UBR4: variants seen among roughly 807,000 people sequenced by gnomAD.
The protein encoded by UBR4 is E3 ubiquitin-protein ligase UBR4.
UBR4 carries 124 observed loss-of-function variants against 575.6 expected under a neutral mutation model. The ratio of observed to expected loss-of-function variants is 0.22; its 90% CI spans 0.19 to 0.25. The LOEUF (loss-of-function observed/expected upper bound fraction) is 0.25. UBR4 is among the 10% of genes least tolerant of loss of function. The pLI is 1.00. For synonymous variants in UBR4, 2,455 were observed against 2,473.7 expected, an observed-to-expected ratio of 0.99 and a Z score of 0.22; for missense variants, 4,818 against 6,478.8, an observed-to-expected ratio of 0.74 and a Z score of 8.80.
Position 19,117,612 on chromosome 1 carries a change from T to C in UBR4, c.10630-198A>G, listed in dbSNP as rs1570685820. Among the ~76,000 whole-genome samples the C allele has an allele frequency of 6.6e-6, 1 of 152,214 alleles. No homozygotes were observed. Among genetic ancestry groups the C allele is most frequent in the African/African-American group, 2.4e-5 (1 of 41,454 alleles). ...CCTGGGCTCAGGGGATCCTCCCATC[T>C]TAGCCTCCCAAAGTACTGGGATTAT... On this transcript the variant is annotated intron_variant, in intron 72 of 105. Coordinates refer to ENST00000375254, the MANE Select transcript of UBR4 (RefSeq NM_020765.3). The surrounding 1 kb of genome is among the most constrained non-coding windows in gnomAD (Gnocchi z 4.0).
chr1:19,119,850 G>A (rs2080980793), intron 69 of UBR4, 149 bp from the exon 70 acceptor site: 2 of 1,123,618 alleles, frequency 1.8e-6, no homozygotes. Context: ...AATCCTACCA[G>A]ATGCAGCATA....
chr1:19,077,150 T>A (rs566110992), intron 104 of UBR4, among the ~76,000 whole-genome samples: 1 of 152,326 alleles, frequency 6.6e-6, no homozygotes, highest in East Asian at 1.9e-4. Flanking sequence ...AGTGGCTGCA[T>A]TCCCTCCCCG....
rs751830458 is a variant in UBR4 at position 19,144,838 on chromosome 1, A to G, written c.8015T>C (p.Leu2672Pro). The G allele has an allele frequency of 6.2e-7, 1 of 1,614,202 alleles. No homozygotes were observed. The highest frequency in any genetic ancestry group is 8.5e-7 in the Non-Finnish European group (1 of 1,180,022). The change falls in exon 54 of 106, where the codon CTG becomes CCG. Residue 2672 changes from leucine to proline, a missense_variant. Around this residue, in one of 29 missense-constraint regions of UBR4, gnomAD observed 340 missense variants for 375.4 expected, o/e 0.91. Transcript: ENST00000375254. ...DIIHGYCTCELDCINTASKIY... is the reference protein window; with the variant it reads ...DIIHGYCTCEPDCINTASKIY... ...CTTGGATGCTGTGTTAATACAATCC[A>G]GCTCACAGGTACAGTAGCCATGGAT...
Position 19,146,857 on chromosome 1 carries a change from A to G in UBR4, c.7773T>C (p.Phe2591=), listed in dbSNP as rs191637627. 1.2e-4 allele frequency: 197 copies of G among 1,613,982 alleles called. No homozygotes were observed. The highest frequency in any genetic ancestry group is 1.6e-4 in the Non-Finnish European group (183 of 1,179,924). ...AIMRPNNLVH[F]TESKLPQMET... ...CCATCTGGGGCAGCTTTGACTCCGT[A>G]AAGTGGACAAGGTTGTTGGGGCGCA... Residue 2591 remains phenylalanine (F), a synonymous_variant, in exon 52 of 106, where the codon TTT becomes TTC. Coordinates refer to ENST00000375254, the MANE Select transcript of UBR4 (RefSeq NM_020765.3).
chr1:19,156,539 T>G lies in UBR4; in HGVS notation c.5920-116A>C, dbSNP rs563765089. The G allele has an allele frequency of 5.2e-6, 7 of 1,354,442 alleles. No individual in the cohort carries two copies. The East Asian group carries it at 1.8e-4, about 34-fold the overall frequency. 83.9% of individuals were successfully genotyped at this position (1,354,442 alleles called of 1,614,324 possible). A position where few individuals can be genotyped will look rare whatever the true frequency, so the allele number is the denominator to read the frequency against. On this transcript the variant is annotated intron_variant, in intron 41 of 105. Coordinates refer to ENST00000375254, the MANE Select transcript of UBR4 (RefSeq NM_020765.3). ...TAATATCCCCTGCCTTCAGACAGTA[T>G]TTAGACTGTCTAGTAACATTCAGGT...
Position 19,162,551 on chromosome 1 carries a change from C to A in UBR4, c.4825G>T (p.Ala1609Ser), listed in dbSNP as rs779149141. 2 of 1,614,160 alleles carry A rather than the reference C, an allele frequency of 1.2e-6. No homozygotes were observed. Among genetic ancestry groups the A allele is most frequent in the Non-Finnish European group, 1.7e-6 (2 of 1,180,026 alleles). The change falls in exon 35 of 106, where the codon GCC becomes TCC. Residue 1609 changes from alanine (A) to serine (S), a missense_variant. Around this residue, in one of 29 missense-constraint regions of UBR4, gnomAD observed 1,172 missense variants for 1,259.7 expected, o/e 0.93. Transcript: ENST00000375254. ...IMSYLADVTN[A>S]LSQSNGQGPS... ...CCTTGACCATTACTCTGGCTCAGGG[C>A]ATTCGTGACATCAGCCAAGTAAGAC...
At chr1:19,124,338 G>C in intron 65 of UBR4, 1 of 591,846 alleles carries the variant, frequency 1.7e-6, no homozygotes, top group East Asian at 3.0e-5. Context: ...AGAATCAGAA[G>C]GTAAAGTATG....
chr1:19,096,752 C>T (rs1406923103), intron 91 of UBR4, 102 bp from the exon 92 acceptor site: 1 of 1,494,512 alleles, frequency 6.7e-7, no homozygotes, highest in Admixed American at 2.2e-5. Flanking sequence ...TGGCTGACAG[C>T]CCTTTTCCGT....
chr1:19,174,823 A>G, intron 21 of UBR4, 131 bp downstream of exon 21: 1 of 839,780 alleles, frequency 1.2e-6, no homozygotes, highest in East Asian at 2.7e-5. Flanking sequence ...CTATTAGAAT[A>G]AGCTCAAATC....
intron 69 of UBR4, among the ~76,000 whole-genome samples, 179 bp from the exon 70 acceptor site, chr1:19,119,880 C>T (rs1354347640): frequency 6.6e-6 from 1 of 152,156 alleles, no homozygotes; most frequent in Non-Finnish European, 1.5e-5. Flanking sequence ...TGCCTCTACC[C>T]ATCACCCAAC....
At chr1:19,094,213 A>G (rs1395777982) in intron 94 of UBR4, 74 bp from the exon 95 acceptor site, 6 of 1,201,294 alleles carry the variant, frequency 5.0e-6, no homozygotes, top group Non-Finnish European at 5.9e-6. Context: ...CTGAGCCCCA[A>G]AAGTCACCAC....
At chr1:19,172,122 T>C (rs147408507) in intron 25 of UBR4, among the ~76,000 whole-genome samples, 1 of 152,368 alleles carries the variant, frequency 6.6e-6, no homozygotes, top group East Asian at 1.9e-4. Flanking sequence ...CTACAGGGCA[T>C]GCAATTTGCA....
Position 19,119,709 on chromosome 1 carries a change from T to C in UBR4, c.10311-8A>G. The C allele has an allele frequency of 6.2e-7, 1 of 1,600,180 alleles. No individual in the cohort carries two copies. Among genetic ancestry groups the C allele is most frequent in the Non-Finnish European group, 8.6e-7 (1 of 1,168,722 alleles). On this transcript the variant is annotated splice_region_variant and splice_polypyrimidine_tract_variant and intron_variant, in intron 69 of 105. Coordinates refer to ENST00000375254, the MANE Select transcript of UBR4 (RefSeq NM_020765.3). ...TGAGATTTGCTGGAATTTCTGTGGATATATGACAGCTCATGTTACCAAGCA... is the reference window on the plus strand; with the variant it reads ...TGAGATTTGCTGGAATTTCTGTGGACATATGACAGCTCATGTTACCAAGCA...
chr1:19,181,954 G>C (rs1044642014), intron 17 of UBR4, among the ~76,000 whole-genome samples: 1 of 151,956 alleles, frequency 6.6e-6, no homozygotes, highest in Admixed American at 6.6e-5. Context: ...TAAACACCAA[G>C]TCCCCATTTT....
chr1:19,075,095 G>T, intron 105 of UBR4, 199 bp from the exon 106 acceptor site: 1 of 613,308 alleles, frequency 1.6e-6, no homozygotes, highest in South Asian at 1.9e-5. Flanking sequence ...TGTTCCAGAA[G>T]CAGGCACTGC....
chr1:19,161,033 G>A lies in UBR4; in HGVS notation c.5290C>T (p.Pro1764Ser), dbSNP rs1252752266. The change falls in exon 38 of 106, where the codon CCA becomes TCA. Residue 1764 changes from proline to serine, a missense_variant. Pro to Ser is a moderately conservative substitution (Grantham distance 74). Around this residue, in one of 29 missense-constraint regions of UBR4, gnomAD observed 159 missense variants for 174.6 expected, o/e 0.91. Coordinates refer to ENST00000375254, the MANE Select transcript of UBR4 (RefSeq NM_020765.3). ...SLVRHASTSS[P>S]ADKAKVTISD... is the part of the protein sequence containing the mutation. ...ATGGTAACCTTGGCTTTGTCAGCTGGCGAGGAGGTGCTGGCATGACGCACT... is the reference window on the plus strand; with the variant it reads ...ATGGTAACCTTGGCTTTGTCAGCTGACGAGGAGGTGCTGGCATGACGCACT... 3 of 1,614,136 alleles carry A rather than the reference G, an allele frequency of 1.9e-6. No individual in the cohort carries two copies. Among genetic ancestry groups the A allele is most frequent in the Middle Eastern group, 1.6e-4 (1 of 6,062 alleles).
chr1:19,199,725 C>T lies in UBR4; in HGVS notation c.304G>A (p.Ala102Thr). Residue 102 changes from alanine (A) to threonine (T), a missense_variant, in exon 3 of 106, where the codon GCA (alanine) becomes ACA (threonine). By Grantham distance (58) the Ala-to-Thr change is moderately conservative. Transcript: ENST00000375254. ...AACTCAATTAGAACTTTACAGGCTG[C>T]TGCCACTGACTGAAGTTGGTTCCGG... ...IPRNQLQSVA[A>T]ACKVLIEFSL... The T allele has an allele frequency of 6.2e-7, 1 of 1,614,144 alleles. No individual in the cohort carries two copies. The highest frequency in any genetic ancestry group is 1.7e-5 in the Admixed American group (1 of 60,034).
chr1:19,075,176 C>A, intron 105 of UBR4: 1 of 461,398 alleles, frequency 2.2e-6, no homozygotes, highest in South Asian at 2.1e-5. Context: ...ACAGCTTAAA[C>A]AAAGTAATAA....
rs762089693 is a variant in UBR4 at position 19,146,074 on chromosome 1, G to A, written c.7805-141C>T. 3 of 1,562,198 alleles carry A rather than the reference G, an allele frequency of 1.9e-6. No individual in the cohort carries two copies. In the South Asian group the frequency reaches 3.5e-5, roughly 18 times the overall value. Reference sequence around the variant, plus strand: ...CCAATCAATATGCCAACTATCCCTAGACTCCAGCAGGCACATCTAGGAAAA... The same window carrying A: ...CCAATCAATATGCCAACTATCCCTAAACTCCAGCAGGCACATCTAGGAAAA... On this transcript the variant is annotated intron_variant, in intron 52 of 105. Coordinates refer to ENST00000375254, the MANE Select transcript of UBR4 (RefSeq NM_020765.3).
Sources: gnomAD v4.1 joint callset for allele counts (sites outside exome capture counted in the v4.1 genomes callset) on GRCh38, gnomAD v4.1.1 for gene constraint, gnomAD v4.1.1 regional missense constraint, Gnocchi (gnomAD v3.1) non-coding constraint, MANE v1.5 for transcripts, NCBI Gene and HGNC (gene_info 2026-07-23, HGNC 2026-07-21) for gene names.